Variants in LDLRAD4 observed in about 807,000 individuals in gnomAD.
LDLRAD4 encodes the protein low-density lipoprotein receptor class A domain-containing protein 4.
In LDLRAD4, 5 loss-of-function variants were observed where a neutral mutation model predicts 17.0. The observed-to-expected ratio is 0.29, with a 90% CI of 0.15 to 0.62. The LOEUF (loss-of-function observed/expected upper bound fraction) is 0.62, where lower values mean the gene tolerates loss of function less well. Among genes scored for constraint, LDLRAD4 ranks in the 20% least tolerant of loss-of-function variants. The probability of loss-of-function intolerance (pLI) is 0.84; values close to 1 mark genes in which losing one functional copy is unlikely to be tolerated. For missense variants in LDLRAD4, 340 were observed against 424.7 expected, an observed-to-expected ratio of 0.80 and a Z score of 1.75; for synonymous variants, 168 against 171.8, an observed-to-expected ratio of 0.98 and a Z score of 0.17.
chr18:13,334,884 C>T (rs922774010), intron 1 of LDLRAD4, among the ~76,000 whole-genome samples: 2 of 152,078 alleles, frequency 1.3e-5, no homozygotes, highest in Non-Finnish European at 2.9e-5. Context: ...GATTTCTTTT[C>T]TGAGAATGGG....
chr18:13,232,765 C>T (rs148487021), intron 1 of LDLRAD4, among the ~76,000 whole-genome samples: 32 of 152,348 alleles, frequency 2.1e-4, no homozygotes, highest in Middle Eastern at 3.4e-3. Flanking sequence ...CTCTCTCCTC[C>T]GCAGCCCAGG....
intron 1 of LDLRAD4, among the ~76,000 whole-genome samples, chr18:13,352,392 AT>A (rs34509780): frequency 0.31 from 46,669 of 151,862 alleles, 7,161 homozygotes; most frequent in South Asian, 0.37. Flanking sequence ...TGTTTGTTTT[AT>A]TTTTCCCTTT....
At chr18:13,540,522 G>A (rs2094263931) in intron 3 of LDLRAD4, among the ~76,000 whole-genome samples, 1 of 152,132 alleles carries the variant, frequency 6.6e-6, no homozygotes, top group Admixed American at 6.5e-5. Flanking sequence ...ATTCAATCCT[G>A]GTGGAGAGCT....
intron 3 of LDLRAD4, among the ~76,000 whole-genome samples, chr18:13,504,589 G>A (rs2093661904): frequency 6.6e-6 from 1 of 152,092 alleles, no homozygotes; most frequent in Non-Finnish European, 1.5e-5. Flanking sequence ...TATCACGCCT[G>A]GCTAATTTTT....
intron 1 of LDLRAD4, among the ~76,000 whole-genome samples, chr18:13,347,585 G>A (rs907314120): frequency 2.4e-4 from 37 of 152,204 alleles, no homozygotes; most frequent in Admixed American, 8.5e-4. Flanking sequence ...TCTTTGTGGC[G>A]TTCTCTGTAT....
At chr18:13,536,881 T>G (rs1057124708) in intron 3 of LDLRAD4, among the ~76,000 whole-genome samples, 1 of 152,138 alleles carries the variant, frequency 6.6e-6, no homozygotes, top group African/African-American at 2.4e-5. Context: ...TTGAAATGAT[T>G]ATATGTTTTT....
chr18:13,400,651 C>T (rs1038368128), intron 2 of LDLRAD4, among the ~76,000 whole-genome samples: 8 of 152,178 alleles, frequency 5.3e-5, no homozygotes, highest in East Asian at 3.8e-4. Context: ...TGTTCACACT[C>T]GTATCTGTCA....
chr18:13,597,509 T>TCTCTCTCTCC (rs1324682264), intron 3 of LDLRAD4, among the ~76,000 whole-genome samples: 31 of 146,968 alleles, frequency 2.1e-4, no homozygotes, highest in African/African-American at 8.1e-4. Context: ...TGCTCATTTC[T>TCTCTCTCTCC]CTCTCTCTCT....
intron 1 of LDLRAD4, among the ~76,000 whole-genome samples, chr18:13,286,484 G>A (rs149443432): frequency 2.8e-4 from 42 of 152,334 alleles, no homozygotes; most frequent in African/African-American, 9.6e-4. Context: ...CAATCTTCCT[G>A]CCTCAGCCTC....
chr18:13,565,583 G>A (rs2094590192), intron 3 of LDLRAD4, among the ~76,000 whole-genome samples: 1 of 152,262 alleles, frequency 6.6e-6, no homozygotes, highest in Non-Finnish European at 1.5e-5. Flanking sequence ...TGTGGAACGA[G>A]CCAGCCCAGC....
At chr18:13,412,737 C>T (rs2145721061) in intron 2 of LDLRAD4, among the ~76,000 whole-genome samples, 1 of 152,254 alleles carries the variant, frequency 6.6e-6, no homozygotes, top group East Asian at 1.9e-4. Context: ...GGATTTTTGT[C>T]TTCCTTGTTT....
intron 1 of LDLRAD4, among the ~76,000 whole-genome samples, chr18:13,238,679 G>A (rs1367503777): frequency 1.3e-5 from 2 of 152,190 alleles, no homozygotes; most frequent in Non-Finnish European, 2.9e-5. Context: ...ACCAAATCTG[G>A]GTTACTTTTA....
At chr18:13,255,807 A>G (rs191717538) in intron 1 of LDLRAD4, among the ~76,000 whole-genome samples, 101 of 152,102 alleles carry the variant, frequency 6.6e-4, no homozygotes, top group African/African-American at 2.3e-3. Context: ...GAGCTGGCCG[A>G]GGGAGATGTG....
chr18:13,395,468 T>C (rs972821118), intron 2 of LDLRAD4, among the ~76,000 whole-genome samples: 9 of 5,186 alleles, frequency 1.7e-3, no homozygotes, highest in East Asian at 4.9e-3. Flanking sequence ...GGCGTGGGGG[T>C]GGGGGCTGGC....
At chr18:13,650,156 G>C (rs2043184506) in exon 6 of LDLRAD4, 1 of 398,808 alleles carries the variant, frequency 2.5e-6, no homozygotes, top group Non-Finnish European at 4.4e-6. Context: ...ACATTTTTTA[G>C]GAACCAATAT....
chr18:13,617,598 G>A (rs1382789991), intron 3 of LDLRAD4, among the ~76,000 whole-genome samples: 1 of 152,122 alleles, frequency 6.6e-6, no homozygotes, highest in African/African-American at 2.4e-5. Context: ...CTGGCTAGGG[G>A]AAATAGTTGC....
At chr18:13,403,572 C>T (rs2087426583) in intron 2 of LDLRAD4, among the ~76,000 whole-genome samples, 1 of 152,196 alleles carries the variant, frequency 6.6e-6, no homozygotes, top group South Asian at 2.1e-4. Context: ...CCTCTCTTGG[C>T]CTCAGTTTCT....
rs925953224 is a variant in LDLRAD4 at position 13,367,557 on chromosome 18, G to A, written c.-382-19784G>A. ...AGGGCCCGGGTGCTGCAGCAAGGCGGCTGTGGCAGTGCCAAGCGAGTGGAC... is the reference window on the plus strand; with the variant it reads ...AGGGCCCGGGTGCTGCAGCAAGGCGACTGTGGCAGTGCCAAGCGAGTGGAC... On this transcript the variant is annotated intron_variant, in intron 1 of 5. Coordinates refer to ENST00000359446, the Ensembl canonical transcript of LDLRAD4. The surrounding 1 kb of genome is among the most constrained non-coding windows in gnomAD (Gnocchi z 4.1). 5.3e-5 allele frequency among the ~76,000 whole-genome samples: 8 copies of A among 152,196 alleles called. No individual in the cohort carries two copies. Among genetic ancestry groups the A allele is most frequent in the African/African-American group, 1.9e-4 (8 of 41,438 alleles).
intron 2 of LDLRAD4, among the ~76,000 whole-genome samples, chr18:13,397,047 C>G (rs544093558): frequency 6.6e-6 from 1 of 152,220 alleles, no homozygotes; most frequent in Admixed American, 6.5e-5. Flanking sequence ...CCATTTCACA[C>G]GAGGGTTCTG....
Sources: gnomAD v4.1 joint callset for allele counts (sites outside exome capture counted in the v4.1 genomes callset) on GRCh38, gnomAD v4.1.1 for gene constraint, Gnocchi (gnomAD v3.1) non-coding constraint, MANE v1.5 for transcripts, NCBI Gene and HGNC (gene_info 2026-07-23, HGNC 2026-07-21) for gene names.